Variants in BMAL2 observed in about 807,000 individuals in gnomAD.
The protein encoded by BMAL2 is basic helix-loop-helix ARNT-like protein 2.
At chr12:27,396,911 G>A in the BMAL2 span, among the ~76,000 whole-genome samples, 1 of 152,168 alleles carries the variant, frequency 6.6e-6, no homozygotes. Context: ...TTTGCCACCT[G>A]GATGACCTGC....
the BMAL2 span, chr12:27,418,030 AAG>A: frequency 2.8e-6 from 3 of 1,063,808 alleles, no homozygotes; most frequent in Admixed American, 4.6e-5. Flanking sequence ...TAAATAAATA[AAG>A]AGTGTCCTTA....
the BMAL2 span, among the ~76,000 whole-genome samples, chr12:27,345,136 TG>T: frequency 6.6e-6 from 1 of 152,236 alleles, no homozygotes; most frequent in South Asian, 2.1e-4. Flanking sequence ...TCTCCAGCTT[TG>T]AAAAATGTCT....
chr12:27,337,020 G>A, the BMAL2 span, among the ~76,000 whole-genome samples: 1 of 150,542 alleles, frequency 6.6e-6, no homozygotes, highest in Non-Finnish European at 1.5e-5. Flanking sequence ...GTTATACAGT[G>A]TTAACATTCT....
chr12:27,400,824 C>T, the BMAL2 span: 3 of 1,477,554 alleles, frequency 2.0e-6, no homozygotes, highest in South Asian at 2.9e-5. Context: ...ATATTTGAAG[C>T]TATTAAAGGC....
chr12:27,361,655 A>T, the BMAL2 span, among the ~76,000 whole-genome samples: 1 of 152,186 alleles, frequency 6.6e-6, no homozygotes, highest in South Asian at 2.1e-4. Context: ...GAAAGTTAAA[A>T]ATGAAATTTT....
the BMAL2 span, among the ~76,000 whole-genome samples, chr12:27,367,414 T>A: frequency 6.6e-6 from 1 of 152,182 alleles, no homozygotes; most frequent in Non-Finnish European, 1.5e-5. Context: ...TGACCACGGG[T>A]AACTGAAACC....
chr12:27,390,382 C>A, the BMAL2 span: 3 of 872,662 alleles, frequency 3.4e-6, no homozygotes, highest in Non-Finnish European at 5.2e-6. Context: ...TTTTTTAAAC[C>A]AAAATTACTT....
chr12:27,402,625 TAGTG>T, the BMAL2 span: 8 of 1,612,276 alleles, frequency 5.0e-6, no homozygotes, highest in Non-Finnish European at 6.8e-6. Context: ...CTAGGGGACA[TAGTG>T]AGCCTGGAGA....
chr12:27,356,773 A>G, the BMAL2 span, among the ~76,000 whole-genome samples: 3 of 151,560 alleles, frequency 2.0e-5, no homozygotes, highest in East Asian at 1.9e-4. Flanking sequence ...TTTTATTTCC[A>G]TAGGTTTTGG....
chr12:27,407,970 A>G, the BMAL2 span, among the ~76,000 whole-genome samples: 1 of 152,246 alleles, frequency 6.6e-6, no homozygotes, highest in Non-Finnish European at 1.5e-5. Flanking sequence ...AAACACCTCT[A>G]CGCAAATAAA....
At chr12:27,402,793 T>C in the BMAL2 span, 10 of 959,500 alleles carry the variant, frequency 1.0e-5, no homozygotes, top group Admixed American at 2.9e-5. Context: ...AAAGTAGTTC[T>C]GCAGGTTGGG....
chr12:27,356,499 C>G, the BMAL2 span, among the ~76,000 whole-genome samples: 1 of 152,162 alleles, frequency 6.6e-6, no homozygotes, highest in South Asian at 2.1e-4. Flanking sequence ...ATCTTGCTAT[C>G]CCCCAATAGT....
the BMAL2 span, among the ~76,000 whole-genome samples, chr12:27,411,127 T>G: frequency 3.9e-5 from 6 of 152,054 alleles, no homozygotes; most frequent in Non-Finnish European, 7.4e-5. Flanking sequence ...AGTTATTGTG[T>G]TTTTTTAAAT....
At chr12:27,405,672 ACT>A in the BMAL2 span, among the ~76,000 whole-genome samples, 857 of 152,312 alleles carry the variant, frequency 5.6e-3, 11 homozygotes, top group African/African-American at 0.019. Context: ...AAAACTGGAA[ACT>A]CTAAAAATCA....
the BMAL2 span, chr12:27,421,671 A>C: frequency 1.3e-5 from 2 of 152,182 alleles, no homozygotes; most frequent in Admixed American, 6.6e-5. Flanking sequence ...TCTCTATTAT[A>C]GATAGATTAG....
chr12:27,340,870 T>C, the BMAL2 span, among the ~76,000 whole-genome samples: 5 of 152,182 alleles, frequency 3.3e-5, no homozygotes, highest in African/African-American at 1.2e-4. Flanking sequence ...TTTGTGGTGG[T>C]TAAGAATGGG....
chr12:27,351,553 C>G, the BMAL2 span, among the ~76,000 whole-genome samples: 1 of 152,118 alleles, frequency 6.6e-6, no homozygotes, highest in Non-Finnish European at 1.5e-5. Context: ...TGAGCTCATA[C>G]AGTCTCAGCT....
the BMAL2 span, among the ~76,000 whole-genome samples, chr12:27,347,846 C>T: frequency 1.3e-5 from 2 of 152,178 alleles, no homozygotes; most frequent in Admixed American, 6.5e-5. Context: ...ACCTTTAGTA[C>T]ACAGTCCAGT....
the BMAL2 span, among the ~76,000 whole-genome samples, chr12:27,337,463 A>C: frequency 6.6e-6 from 1 of 152,168 alleles, no homozygotes; most frequent in Non-Finnish European, 1.5e-5. Flanking sequence ...ATGTGAAGGA[A>C]CCTGCCTTTC....
Sources: allele counts gnomAD v4.1 joint callset (sites outside exome capture counted in the v4.1 genomes callset), GRCh38; gene constraint gnomAD v4.1.1; transcripts MANE v1.5; gene names NCBI Gene and HGNC (gene_info 2026-07-23, HGNC 2026-07-21).